Variants in KHSRP observed in about 807,000 individuals in gnomAD.
KHSRP encodes the protein KH-type splicing regulatory protein.
In KHSRP, 13 loss-of-function variants were observed where a neutral mutation model predicts 94.9. The ratio of observed to expected loss-of-function variants is 0.14; its 90% CI spans 0.09 to 0.22. The LOEUF (loss-of-function observed/expected upper bound fraction) is 0.22. Among genes scored for constraint, KHSRP ranks in the 10% least tolerant of loss-of-function variants. The probability of loss-of-function intolerance (pLI) is 1.00; values close to 1 mark genes in which losing one functional copy is unlikely to be tolerated. For synonymous variants in KHSRP, 495 were observed against 401.4 expected, an observed-to-expected ratio of 1.23 and a Z score of -2.79; for missense variants, 710 against 1,010.0, an observed-to-expected ratio of 0.70 and a Z score of 4.03.
rs1568339937 is a variant in KHSRP, at chr19:6,414,091, A to AG, written c.*932dup. Reference sequence around the variant, plus strand: ...AAAAAAAAAGATTTTTCACAGATGAAGAAGTTCACATTCATTCGATTCATT... The same window carrying AG: ...AAAAAAAAAGATTTTTCACAGATGAAGGAAGTTCACATTCATTCGATTCATT... On this transcript the variant is annotated 3_prime_UTR_variant, in exon 19 of 19. Coordinates refer to ENST00000600480, the MANE Select transcript of KHSRP (RefSeq NM_001366299.1). 6.2e-7 allele frequency: 1 copy of AG among 1,600,816 alleles called. No homozygotes were observed. The highest frequency in any genetic ancestry group is 8.5e-7 in the Non-Finnish European group (1 of 1,172,234).
rs746104898 is a variant in KHSRP at position 6,415,039 on chromosome 19, G to A, written c.2229C>T (p.Cys743=). 2.9e-5 allele frequency: 44 copies of A among 1,522,592 alleles called. No individual in the cohort carries two copies. The highest frequency in any genetic ancestry group is 1.7e-4 in the Admixed American group (8 of 45,804). The allele number at this position is 1,522,592 out of a possible 1,614,324, so 94.3% of individuals were successfully genotyped here. Residue 743 remains cysteine (C), a synonymous_variant, in exon 19 of 19, where the codon TGC becomes TGT. Transcript: ENST00000600480. ...LVGSAGNPFP[C]GVCP is the part of the protein sequence containing the mutation. ...GCTGCAGGCATCAAGGGCACACCCC[G>A]CAGGGGAAGGGGTTTCCGGCGCTAC... is the stretch of plus-strand genomic sequence containing the variant.
chr19:6,423,619 G>A (rs1353673477), intron 1 of KHSRP, among the ~76,000 whole-genome samples: 1 of 152,208 alleles, frequency 6.6e-6, no homozygotes, highest in Admixed American at 6.5e-5. Flanking sequence ...AGAGACGACA[G>A]AGGGCCAGAA....
intron 18 of KHSRP, 28 bp from the exon 19 acceptor site, chr19:6,415,329 G>A (rs779038393): frequency 3.7e-6 from 6 of 1,613,326 alleles, no homozygotes; most frequent in Admixed American, 3.3e-5. Context: ...CAGGTGAGAG[G>A]CTGTGGGTGA....
chr19:6,415,182 C>T lies in KHSRP; in HGVS notation c.2086G>A (p.Gly696Ser), dbSNP rs1172630962. 1.2e-6 allele frequency: 2 copies of T among 1,609,862 alleles called. No individual in the cohort carries two copies. The highest frequency in any genetic ancestry group is 1.7e-6 in the Non-Finnish European group (2 of 1,179,310). Residue 696 changes from glycine to serine, a missense_variant, in exon 19 of 19, where the codon GGC (glycine) becomes AGC (serine). By Grantham distance (56) the Gly-to-Ser change is moderately conservative (BLOSUM62 0). This residue lies in a region of KHSRP where 292 missense variants were observed against 340.5 expected (regional missense o/e 0.86). Transcript: ENST00000600480. ...AAYYGQTPGPGGPQPPPTQQG... is the reference protein window; with the variant it reads ...AAYYGQTPGPSGPQPPPTQQG... ...TGCGTGGGCGGCGGCTGGGGGCCGC[C>T]AGGACCTGGGGTCTGTCCGTAGTAA...
Position 6,416,835 on chromosome 19 carries a change from G to GC in KHSRP, c.1229dup (p.Arg411ProfsTer75). 2 of 1,589,600 alleles carry GC rather than the reference G, an allele frequency of 1.3e-6. No homozygotes were observed. ...TGCCTTGGCCTCTTCCTCGGCCTCG[G>GC]CCCCCCGGGGGCATGCCTGGACCCC... On this transcript the variant is annotated frameshift_variant, in exon 13 of 19. Transcript: ENST00000600480. LOFTEE classifies it high-confidence loss of function.
In KHSRP at chr19:6,416,386, G is replaced by A. The variant is rs1382864185; in HGVS notation, c.1510C>T (p.Pro504Ser). 2 of 1,613,316 alleles carry A rather than the reference G, an allele frequency of 1.2e-6. No individual in the cohort carries two copies. Among genetic ancestry groups the A allele is most frequent in the Non-Finnish European group, 8.5e-7 (1 of 1,179,688 alleles). ...GCAGGGCCTGGGCCACCTGGGCCTG[G>A]TCCAACTGGGCAGAGAGGACCCTAG... ...KIEGPLCPVG[P>S]GPGGPGPAGP... The change falls in exon 15 of 19, where the codon CCA (proline) becomes TCA (serine). Residue 504 changes from proline to serine, a missense_variant. Transcript: ENST00000600480.
At chr19:6,419,069 A>T in intron 7 of KHSRP, 134 bp downstream of exon 7, 1 of 1,133,656 alleles carries the variant, frequency 8.8e-7, no homozygotes, top group Non-Finnish European at 1.3e-6. Flanking sequence ...GCCTCATGTT[A>T]ACATGGCTGT....
Position 6,417,069 on chromosome 19 carries a change from T to C in KHSRP, c.1100A>G (p.Glu367Gly). Reference sequence around the variant, plus strand: ...GGGCCCCATTATATGAGCAATCTTCTCGGGCCCTGTCCCGTCATCTGAGGC... The same window carrying C: ...GGGCCCCATTATATGAGCAATCTTCCCGGGCCCTGTCCCGTCATCTGAGGC... Reference protein sequence around the residue: ...QFKQDDGTGPEKIAHIMGPPD... With the variant: ...QFKQDDGTGPGKIAHIMGPPD... Residue 367 changes from glutamate to glycine, a missense_variant, in exon 12 of 19, where the codon GAG becomes GGG. By Grantham distance (98) the Glu-to-Gly change is moderately conservative. Transcript: ENST00000600480. 1 of 1,611,786 alleles carries C rather than the reference T, an allele frequency of 6.2e-7. No individual in the cohort carries two copies. Among genetic ancestry groups the C allele is most frequent in the Non-Finnish European group, 8.5e-7 (1 of 1,179,696 alleles).
chr19:6,414,751 G>A lies in KHSRP; in HGVS notation c.*273C>T, dbSNP rs925804215. 3.6e-5 allele frequency: 39 copies of A among 1,076,458 alleles called. No homozygotes were observed. Among genetic ancestry groups the A allele is most frequent in the African/African-American group, 2.3e-4 (14 of 60,230 alleles). 66.7% of individuals were successfully genotyped at this position (1,076,458 alleles called of 1,614,324 possible). On this transcript the variant is annotated 3_prime_UTR_variant, in exon 19 of 19. Transcript: ENST00000600480. ...ATGCAGAGAAGGGGAAAAAATAGAC[G>A]TTTTCTTCCCAAGTGGCCAGATTGT...
chr19:6,415,752 G>C lies in KHSRP; in HGVS notation c.1688-18C>G, dbSNP rs2145112836. The C allele has an allele frequency of 6.4e-7, 1 of 1,551,160 alleles. No homozygotes were observed. Among genetic ancestry groups the C allele is most frequent in the African/African-American group, 1.4e-5 (1 of 73,244 alleles). On this transcript the variant is annotated intron_variant, in intron 16 of 18. Transcript: ENST00000600480. Reference sequence around the variant, plus strand: ...TGCTTTGCCTGCAGGAGATACCTCGGGTGAGACGGGGGGACAGAACAGGGC... The same window carrying C: ...TGCTTTGCCTGCAGGAGATACCTCGCGTGAGACGGGGGGACAGAACAGGGC...
At chr19:6,420,814 A>T (rs1453737042) in intron 4 of KHSRP, among the ~76,000 whole-genome samples, 2 of 152,236 alleles carry the variant, frequency 1.3e-5, no homozygotes, top group Non-Finnish European at 2.9e-5. Flanking sequence ...ATTAAAAACA[A>T]ACAAACAAAA....
Position 6,414,973 on chromosome 19 carries a change from G to C in KHSRP, c.*51C>G. The C allele has an allele frequency of 7.0e-7, 1 of 1,436,878 alleles. No homozygotes were observed. Among genetic ancestry groups the C allele is most frequent in the South Asian group, 1.5e-5 (1 of 67,220 alleles). The allele number at this position is 1,436,878 out of a possible 1,614,324, so 89.0% of individuals were successfully genotyped here. A position where few individuals can be genotyped will look rare whatever the true frequency, so the allele number is the denominator to read the frequency against. ...GGACCCAGCGAATGCTTCCCTGGCG[G>C]TGCGTGGGGACTCCCGGAGACCTCC... On this transcript the variant is annotated 3_prime_UTR_variant, in exon 19 of 19. Transcript: ENST00000600480.
At chr19:6,421,148 C>T (rs1418106540) in intron 4 of KHSRP, 130 bp downstream of exon 4, 3 of 817,086 alleles carry the variant, frequency 3.7e-6, no homozygotes, top group Non-Finnish European at 6.0e-6. Flanking sequence ...CGTCTGAGCA[C>T]TCTGGTCAAC....
Position 6,413,963 on chromosome 19 carries a change from G to C in KHSRP, c.*1061C>G. On this transcript the variant is annotated 3_prime_UTR_variant, in exon 19 of 19. Transcript: ENST00000600480. Reference sequence around the variant, plus strand: ...GAGTGAGGGCCCGGCATGCCCCCAAGTCCCCCCCACCCTGCTTGCCGCGAG... The same window carrying C: ...GAGTGAGGGCCCGGCATGCCCCCAACTCCCCCCCACCCTGCTTGCCGCGAG... 6 of 843,892 alleles carry C rather than the reference G, an allele frequency of 7.1e-6. No individual in the cohort carries two copies. The highest frequency in any genetic ancestry group is 6.9e-6 in the Non-Finnish European group (4 of 582,514). The allele number at this position is 843,892 out of a possible 1,614,324, so 52.3% of individuals were successfully genotyped here. A position where few individuals can be genotyped will look rare whatever the true frequency, so the allele number is the denominator to read the frequency against.
chr19:6,415,322 G>T, intron 18 of KHSRP, 21 bp from the exon 19 acceptor site: 1 of 1,613,514 alleles, frequency 6.2e-7, no homozygotes, highest in Non-Finnish European at 8.5e-7. Context: ...ACAAAGGCAG[G>T]TGAGAGGCTG....
Position 6,424,554 on chromosome 19 carries a change from G to GGCC in KHSRP, c.145_147dup (p.Gly49dup), listed in dbSNP as rs1157806891. 1.4e-5 allele frequency: 14 copies of GGCC among 971,350 alleles called. No homozygotes were observed. Among genetic ancestry groups the GGCC allele is most frequent in the African/African-American group, 1.8e-5 (1 of 55,946 alleles). The allele number at this position is 971,350 out of a possible 1,614,324, so 60.2% of individuals were successfully genotyped here. On this transcript the variant is annotated inframe_insertion, in exon 1 of 19. Coordinates refer to ENST00000600480, the MANE Select transcript of KHSRP (RefSeq NM_001366299.1). ...GGGCCCCCGGCCGACCCCCCGCCCG[G>GGCC]GCCGCCGCCGCCGGGACCGCCGCCG...
At chr19:6,417,864 C>T (rs368463675) in intron 10 of KHSRP, 23 bp from the exon 11 acceptor site, 4 of 1,609,762 alleles carry the variant, frequency 2.5e-6, no homozygotes, top group South Asian at 1.1e-5. Flanking sequence ...GCAGCAGCGT[C>T]AGCTCGGCCC....
At chr19:6,419,878 TAAAA>T (rs1029998599) in intron 6 of KHSRP, among the ~76,000 whole-genome samples, 191 bp downstream of exon 6, 1 of 151,834 alleles carries the variant, frequency 6.6e-6, no homozygotes, top group Non-Finnish European at 1.5e-5. Context: ...CCACTGAAAA[TAAAA>T]AAAGTCACAG....
chr19:6,415,432 T>G lies in KHSRP; in HGVS notation c.1914A>C (p.Ala638=), dbSNP rs1616305. Residue 638 remains alanine (A), a synonymous_variant, in exon 18 of 19, where the codon GCA becomes GCC. Coordinates refer to ENST00000600480, the MANE Select transcript of KHSRP (RefSeq NM_001366299.1). ...CCTTCGTGTAGTCCTGCTGTGGGGGTGCTCCGGGCTGCTGGGGCTGCTGGC... is the reference window on the plus strand; with the variant it reads ...CCTTCGTGTAGTCCTGCTGTGGGGGGGCTCCGGGCTGCTGGGGCTGCTGGC... ...KIGQQPQQPG[A]PPQQDYTKAW... is the part of the protein sequence containing the mutation. The G allele has an allele frequency of 1.9e-6, 3 of 1,576,778 alleles. 1 individual carries two copies. In the South Asian group the frequency reaches 3.5e-5, roughly 18 times the overall value.
Sources: allele counts gnomAD v4.1 joint callset (sites outside exome capture counted in the v4.1 genomes callset), GRCh38; gene constraint gnomAD v4.1.1; regional missense constraint gnomAD v4.1.1; transcripts MANE v1.5; gene names NCBI Gene and HGNC (gene_info 2026-07-23, HGNC 2026-07-21).